The following ADCY2 variants were observed in gnomAD, a reference collection of about 807,000 sequenced individuals.
ADCY2 encodes the protein adenylate cyclase type 2.
In ADCY2, 31 loss-of-function variants were observed where a neutral mutation model predicts 125.2. The ratio of observed to expected loss-of-function variants is 0.25; its 90% confidence interval spans 0.19 to 0.33. The LOEUF (loss-of-function observed/expected upper bound fraction) is 0.33, where lower values mean the gene tolerates loss of function less well. Among genes scored for constraint, ADCY2 ranks in the 10% least tolerant of loss-of-function variants. ADCY2 has a pLI of 1.00. For synonymous variants in ADCY2, 512 were observed against 548.4 expected (o/e 0.93, Z 0.93); for missense variants, 904 against 1,418.2 (o/e 0.64, Z 5.82).
chr5:7,810,130 G>A (rs974744391), intron 22 of ADCY2, among the ~76,000 whole-genome samples: 1 of 152,152 alleles, frequency 6.6e-6, no homozygotes, highest in Non-Finnish European at 1.5e-5. Context: ...TGGCTGTGGT[G>A]TGTTCTCCTT....
intron 5 of ADCY2, among the ~76,000 whole-genome samples, chr5:7,695,098 T>A (rs1471877987): frequency 6.6e-6 from 1 of 152,242 alleles, no homozygotes; most frequent in Admixed American, 6.5e-5. Flanking sequence ...TGTTATTGTG[T>A]AGGAAAAGTT....
At chr5:7,448,522 G>A (rs896142744) in intron 2 of ADCY2, among the ~76,000 whole-genome samples, 2 of 151,862 alleles carry the variant, frequency 1.3e-5, no homozygotes, top group Admixed American at 6.6e-5. Flanking sequence ...TGCAGGATGT[G>A]CAGGTTTGTT....
intron 3 of ADCY2, among the ~76,000 whole-genome samples, chr5:7,615,449 G>T (rs1737723289): frequency 1.3e-5 from 2 of 152,166 alleles, no homozygotes; most frequent in Admixed American, 6.5e-5. Flanking sequence ...CATGGGGTAT[G>T]TTAGATGGCT....
chr5:7,731,295 G>A (rs1742097294), intron 14 of ADCY2, among the ~76,000 whole-genome samples: 1 of 148,474 alleles, frequency 6.7e-6, no homozygotes, highest in Non-Finnish European at 1.5e-5. Context: ...CTGTCACCCA[G>A]GCTAGAGTGC....
intron 4 of ADCY2, among the ~76,000 whole-genome samples, chr5:7,660,287 GGAAGGAAGGA>G (rs1182044433): frequency 1.1e-4 from 17 of 148,904 alleles, no homozygotes; most frequent in African/African-American, 4.2e-4. Context: ...AAGGAAGGAA[GGAAGGAAGGA>G]AGGACTGTGA....
intron 20 of ADCY2, among the ~76,000 whole-genome samples, chr5:7,791,053 G>C (rs930336798): frequency 6.6e-6 from 1 of 151,736 alleles, no homozygotes; most frequent in South Asian, 2.1e-4. Flanking sequence ...TTTTTTTTTG[G>C]GGGGGTGTCT....
chr5:7,494,985 A>G (rs1002556597), intron 2 of ADCY2, among the ~76,000 whole-genome samples: 2 of 152,202 alleles, frequency 1.3e-5, no homozygotes, highest in African/African-American at 4.8e-5. Context: ...AGGCTTGGCC[A>G]CACCCTGTCT....
intron 3 of ADCY2, among the ~76,000 whole-genome samples, chr5:7,596,280 C>A (rs1198612254): frequency 6.6e-6 from 1 of 151,668 alleles, no homozygotes; most frequent in Admixed American, 6.6e-5. Context: ...AAAACTCCCC[C>A]CCCCCACCAG....
At chr5:7,575,019 C>T (rs142582385) in intron 3 of ADCY2, among the ~76,000 whole-genome samples, 78 of 152,092 alleles carry the variant, frequency 5.1e-4, no homozygotes, top group African/African-American at 1.8e-3. Flanking sequence ...AGTACAATTC[C>T]ATTTGTGTAA....
chr5:7,824,638 C>G (rs973247362), intron 24 of ADCY2, among the ~76,000 whole-genome samples: 13 of 152,232 alleles, frequency 8.5e-5, no homozygotes, highest in African/African-American at 2.9e-4. Flanking sequence ...AGGACATGGA[C>G]ATCTGGCACC....
At chr5:7,603,784 C>CTTTTTTTTTTTTTTTTT in intron 3 of ADCY2, among the ~76,000 whole-genome samples, 87 of 62,792 alleles carry the variant, frequency 1.4e-3, no homozygotes, top group Middle Eastern at 0.019. Context: ...TGCTCTCTTT[C>CTTTTTTTTTTTTTTTTT]TTTTTTTTTT....
intron 5 of ADCY2, among the ~76,000 whole-genome samples, chr5:7,693,596 A>T (rs2126316000): frequency 6.6e-6 from 1 of 151,584 alleles, no homozygotes; most frequent in Admixed American, 6.6e-5. Context: ...GTTTTTTTGT[A>T]ATTTTTAGTA....
chr5:7,746,544 C>T (rs7445805), intron 15 of ADCY2, among the ~76,000 whole-genome samples: 69,646 of 152,040 alleles, frequency 0.46, 17,024 homozygotes, highest in East Asian at 0.95. Context: ...ACAAATATTC[C>T]GCAGTGGTCG....
intron 2 of ADCY2, among the ~76,000 whole-genome samples, chr5:7,512,088 G>A (rs1244053185): frequency 1.3e-5 from 2 of 151,660 alleles, no homozygotes; most frequent in African/African-American, 4.8e-5. Flanking sequence ...AGGCGTGGTG[G>A]TGCACACCTG....
In ADCY2 at chr5:7,816,950, C is replaced by A; in HGVS notation, c.2968C>A (p.His990Asn). 2 of 1,614,146 alleles carry A rather than the reference C, an allele frequency of 1.2e-6. No homozygotes were observed. The highest frequency in any genetic ancestry group is 1.7e-6 in the Non-Finnish European group (2 of 1,180,030). Reference sequence around the variant, plus strand: ...AGGGAAGCTGGATGCCATCAACAAGCACTCCTTCAACGACTTCAAATTGCG... The same window carrying A: ...AGGGAAGCTGGATGCCATCAACAAGAACTCCTTCAACGACTTCAAATTGCG... The part of the protein sequence containing the change: ...LVGKLDAINK[H>N]SFNDFKLRVG... Residue 990 changes from histidine to asparagine, a missense_variant, in exon 23 of 25, where the codon CAC becomes AAC. Transcript: ENST00000338316.
intron 12 of ADCY2, among the ~76,000 whole-genome samples, chr5:7,723,562 G>A (rs942663016): frequency 6.6e-6 from 1 of 152,122 alleles, no homozygotes; most frequent in Admixed American, 6.5e-5. Flanking sequence ...ACTTATGCAT[G>A]CGTTTTTATG....
At chr5:7,525,437 A>C (rs989056985) in intron 3 of ADCY2, among the ~76,000 whole-genome samples, 1 of 152,196 alleles carries the variant, frequency 6.6e-6, no homozygotes, top group African/African-American at 2.4e-5. Flanking sequence ...CTAGTGGAAC[A>C]AGATCTTTCT....
At chr5:7,737,643 A>G (rs1399906283) in intron 14 of ADCY2, among the ~76,000 whole-genome samples, 1 of 152,224 alleles carries the variant, frequency 6.6e-6, no homozygotes, top group African/African-American at 2.4e-5. Context: ...CAACACACTT[A>G]GTGACAAATT....
At chr5:7,627,563 C>A (rs1738177107) in intron 4 of ADCY2, among the ~76,000 whole-genome samples, 1 of 152,230 alleles carries the variant, frequency 6.6e-6, no homozygotes, top group African/African-American at 2.4e-5. Flanking sequence ...TGTGGGCCTT[C>A]ATCACATTAC....
Sources: gnomAD v4.1 joint callset for allele counts (sites outside exome capture counted in the v4.1 genomes callset) on GRCh38, gnomAD v4.1.1 for gene constraint, MANE v1.5 for transcripts, NCBI Gene and HGNC (gene_info 2026-07-23, HGNC 2026-07-21) for gene names.